The following DDX27 variants were observed in gnomAD, a reference collection of about 807,000 sequenced individuals.
DDX27 encodes probable ATP-dependent RNA helicase DDX27.
DDX27 carries 42 observed loss-of-function variants against 99.3 expected under a neutral mutation model. That is an observed-to-expected ratio of 0.42 (90% CI 0.33 to 0.55). The LOEUF (loss-of-function observed/expected upper bound fraction) is 0.55. Among genes scored for constraint, DDX27 ranks in the 20% least tolerant of loss-of-function variants. The pLI, the probability that DDX27 is intolerant of heterozygous loss-of-function variation, is 0.07. For missense variants in DDX27, 798 were observed against 976.8 expected, an observed-to-expected ratio of 0.82 and a Z score of 2.44; for synonymous variants, 329 against 353.8, an observed-to-expected ratio of 0.93 and a Z score of 0.79.
At chr20:49,229,942 G>A (rs892013966) in intron 8 of DDX27, among the ~76,000 whole-genome samples, 8 of 152,118 alleles carry the variant, frequency 5.3e-5, no homozygotes, top group South Asian at 2.1e-4. Flanking sequence ...GAGCCACCTC[G>A]CCCAGCCCAT....
intron 2 of DDX27, among the ~76,000 whole-genome samples, chr20:49,222,536 C>T (rs532486684): frequency 8.6e-5 from 13 of 151,032 alleles, no homozygotes; most frequent in East Asian, 7.9e-4. Flanking sequence ...TTTTTTGAGA[C>T]GGAGTTTTGC....
intron 6 of DDX27, among the ~76,000 whole-genome samples, chr20:49,225,967 CCT>C (rs1161737816): frequency 6.6e-6 from 1 of 152,168 alleles, no homozygotes; most frequent in Non-Finnish European, 1.5e-5. Flanking sequence ...GGTTAGGCCT[CCT>C]CTTCCTCAGG....
rs995047270 is a variant in DDX27 at position 49,225,547 on chromosome 20, C to G, written c.600+348C>G. On this transcript the variant is annotated intron_variant, in intron 6 of 20. Coordinates refer to ENST00000618172, the MANE Select transcript of DDX27 (RefSeq NM_017895.8). Reference sequence around the variant, plus strand: ...CTCGGCTCACTGCAACCTCCACCTCCCGGGTTCACGCCATTCTCCTGCCTC... The same window carrying G: ...CTCGGCTCACTGCAACCTCCACCTCGCGGGTTCACGCCATTCTCCTGCCTC... Among the ~76,000 whole-genome samples, 7 of 151,720 alleles carry G rather than the reference C, an allele frequency of 4.6e-5. No homozygotes were observed. In the East Asian group the frequency reaches 1.4e-3, roughly 29 times the overall value.
chr20:49,235,926 G>T (rs1600974024), intron 12 of DDX27: 1 of 293,488 alleles, frequency 3.4e-6, no homozygotes, highest in Non-Finnish European at 6.3e-6. Flanking sequence ...TGTATTTTTA[G>T]TAGAGACGGG....
At chr20:49,241,645 A>G (rs1980479612) in intron 16 of DDX27, among the ~76,000 whole-genome samples, 1 of 151,628 alleles carries the variant, frequency 6.6e-6, no homozygotes, top group Non-Finnish European at 1.5e-5. Context: ...TAATTTTTGT[A>G]TTTTTAGTAG....
chr20:49,228,191 A>G (rs1426807581), intron 7 of DDX27, among the ~76,000 whole-genome samples: 3 of 149,638 alleles, frequency 2.0e-5, no homozygotes, highest in Non-Finnish European at 4.4e-5. Flanking sequence ...CACCCAGGCT[A>G]GAGTGCAGTG....
At chr20:49,223,160 TG>T (rs1318238395) in intron 3 of DDX27, 107 bp from the exon 4 acceptor site, 1 of 1,389,914 alleles carries the variant, frequency 7.2e-7, no homozygotes, top group Non-Finnish European at 9.9e-7. Context: ...GAATCTGTAC[TG>T]AGAATCCCCA....
Position 49,230,226 on chromosome 20 carries a change from C to T in DDX27, c.908C>T (p.Ala303Val). ...VGGLDVKSQE[A>V]ALRAAPDILI... is the part of the protein sequence containing the mutation. ...GGCTTGGATGTGAAGTCTCAGGAAGCAGCTCTTCGGGCAGCGCCTGACATC... is the reference window on the plus strand; with the variant it reads ...GGCTTGGATGTGAAGTCTCAGGAAGTAGCTCTTCGGGCAGCGCCTGACATC... Residue 303 changes from alanine (A) to valine (V), a missense_variant, in exon 9 of 21, where the codon GCA (alanine) becomes GTA (valine). By Grantham distance (64) the Ala-to-Val change is moderately conservative. Around this residue, in one of 2 missense-constraint regions of DDX27, gnomAD observed 553 missense variants for 727.9 expected, o/e 0.76. Transcript: ENST00000618172. 4 of 1,613,058 alleles carry T rather than the reference C, an allele frequency of 2.5e-6. No homozygotes were observed. Among genetic ancestry groups the T allele is most frequent in the South Asian group, 1.1e-5 (1 of 91,062 alleles).
chr20:49,239,261 A>G lies in DDX27; in HGVS notation c.1820A>G (p.Glu607Gly). ...AQINTAKRLL[E>G]KGKEAVVQEP... ...ATCAATACAGCAAAGCGGCTCCTGG[A>G]GAAGGGGAAGGAGGCAGTGGTCCAA... Residue 607 changes from glutamate (E) to glycine (G), a missense_variant, in exon 16 of 21, where the codon GAG becomes GGG. By Grantham distance (98) the Glu-to-Gly change is moderately conservative. Transcript: ENST00000618172. 1 of 1,614,054 alleles carries G rather than the reference A, an allele frequency of 6.2e-7. No individual in the cohort carries two copies. Among genetic ancestry groups the G allele is most frequent in the African/African-American group, 1.3e-5 (1 of 75,002 alleles).
At chr20:49,228,353 C>G (rs1979973372) in intron 7 of DDX27, among the ~76,000 whole-genome samples, 1 of 152,094 alleles carries the variant, frequency 6.6e-6, no homozygotes, top group African/African-American at 2.4e-5. Context: ...CCAGGCTGGT[C>G]TCGAACTCCT....
chr20:49,243,854 T>G lies in DDX27; in HGVS notation c.*20T>G, dbSNP rs775211680. The G allele has an allele frequency of 6.2e-7, 1 of 1,614,062 alleles. No individual in the cohort carries two copies. Among genetic ancestry groups the G allele is most frequent in the Non-Finnish European group, 8.5e-7 (1 of 1,180,000 alleles). On this transcript the variant is annotated 3_prime_UTR_variant, in exon 21 of 21. Transcript: ENST00000618172. Reference sequence around the variant, plus strand: ...AAGTAGCTGTCGTGGCCTGAAGAAATTCATGGGGGCAGCCCTTAAATCCCT... The same window carrying G: ...AAGTAGCTGTCGTGGCCTGAAGAAAGTCATGGGGGCAGCCCTTAAATCCCT...
intron 11 of DDX27, 154 bp from the exon 12 acceptor site, chr20:49,234,781 C>T: frequency 1.2e-6 from 1 of 864,724 alleles, no homozygotes; most frequent in Admixed American, 3.6e-5. Context: ...ATTGGCTTCT[C>T]TGTATCCACC....
intron 6 of DDX27, among the ~76,000 whole-genome samples, chr20:49,226,179 G>A (rs529026197): frequency 6.6e-6 from 1 of 152,292 alleles, no homozygotes; most frequent in Admixed American, 6.5e-5. Flanking sequence ...TATGACATGT[G>A]TTTGTTTTTT....
intron 4 of DDX27, 24 bp from the exon 5 acceptor site, chr20:49,224,921 C>A: frequency 6.2e-7 from 1 of 1,613,916 alleles, no homozygotes; most frequent in South Asian, 1.1e-5. Flanking sequence ...GAGCCGTGGT[C>A]ATCAGCTAAG....
chr20:49,224,252 T>C (rs1345562863), intron 4 of DDX27, among the ~76,000 whole-genome samples: 2 of 152,132 alleles, frequency 1.3e-5, no homozygotes, highest in Non-Finnish European at 2.9e-5. Context: ...TTTACTCTTT[T>C]CCCATCTAGC....
intron 3 of DDX27, 70 bp downstream of exon 3, chr20:49,223,086 C>G: frequency 6.7e-7 from 1 of 1,495,172 alleles, no homozygotes; most frequent in Non-Finnish European, 9.2e-7. Flanking sequence ...CCCAGCATCT[C>G]TCTGGAAGCC....
rs1253883009 is a variant in DDX27, at chr20:49,236,916, G to A, written c.1687+406G>A. ...CACATCCTCTTTAAAGTCTTTTTTT[G>A]TTTTGTTTTGTTCTTGAATTCCTAG... On this transcript the variant is annotated intron_variant, in intron 14 of 20. Coordinates refer to ENST00000618172, the MANE Select transcript of DDX27 (RefSeq NM_017895.8). The surrounding 1 kb of genome is among the most constrained non-coding windows in gnomAD (Gnocchi z 4.1). 6.6e-6 allele frequency among the ~76,000 whole-genome samples: 1 copy of A among 151,754 alleles called. No individual in the cohort carries two copies. Among genetic ancestry groups the A allele is most frequent in the African/African-American group, 2.4e-5 (1 of 41,296 alleles).
Position 49,230,346 on chromosome 20 carries a change from A to G in DDX27, c.1028A>G (p.Asp343Gly). ...GAGGTGCTCATCCTGGACGAGGCTGACAGGTGCTCCTCACAGCCTGGGGCC... is the reference window on the plus strand; with the variant it reads ...GAGGTGCTCATCCTGGACGAGGCTGGCAGGTGCTCCTCACAGCCTGGGGCC... ...SIEVLILDEADRMLDEYFEEQ... is the reference protein window; with the variant it reads ...SIEVLILDEAGRMLDEYFEEQ... Residue 343 changes from aspartate (D) to glycine (G), a missense_variant, in exon 9 of 21, where the codon GAC (aspartate) becomes GGC (glycine). By Grantham distance (94) the Asp-to-Gly change is moderately conservative (BLOSUM62 -1). Around this residue, in one of 2 missense-constraint regions of DDX27, gnomAD observed 553 missense variants for 727.9 expected, o/e 0.76. Coordinates refer to ENST00000618172, the MANE Select transcript of DDX27 (RefSeq NM_017895.8). 1 of 1,606,208 alleles carries G rather than the reference A, an allele frequency of 6.2e-7. No homozygotes were observed.
intron 8 of DDX27, 112 bp from the exon 9 acceptor site, chr20:49,230,087 C>G: frequency 1.6e-6 from 2 of 1,232,230 alleles, no homozygotes; most frequent in South Asian, 3.1e-5. Flanking sequence ...CAGTCTTACT[C>G]TCTCAGTGGT....
Sources: gnomAD v4.1 joint callset for allele counts (sites outside exome capture counted in the v4.1 genomes callset) on GRCh38, gnomAD v4.1.1 for gene constraint, gnomAD v4.1.1 regional missense constraint, Gnocchi (gnomAD v3.1) non-coding constraint, MANE v1.5 for transcripts, NCBI Gene and HGNC (gene_info 2026-07-23, HGNC 2026-07-21) for gene names.